OTUD7A: variants seen among roughly 807,000 people sequenced by gnomAD.
The protein encoded by OTUD7A is OTU deubiquitinase 7A.
OTUD7A carries 12 observed loss-of-function variants against 65.7 expected under a neutral mutation model. The ratio of observed to expected loss-of-function variants is 0.18; its 90% confidence interval spans 0.12 to 0.30. The LOEUF is 0.30. Among genes scored for constraint, OTUD7A ranks in the 10% least tolerant of loss-of-function variants. OTUD7A has a pLI of 1.00. For synonymous variants in OTUD7A, 641 were observed against 586.3 expected, an observed-to-expected ratio of 1.09 and a Z score of -1.35; for missense variants, 1,148 against 1,304.8, an observed-to-expected ratio of 0.88 and a Z score of 1.85.
rs569898809 is a variant in OTUD7A, at chr15:31,854,921, G to C, written c.-100+15586C>G. Among the ~76,000 whole-genome samples, 7 of 151,942 alleles carry C rather than the reference G, an allele frequency of 4.6e-5. No individual in the cohort carries two copies. The South Asian group carries it at 1.5e-3, about 32-fold the overall frequency. On this transcript the variant is annotated intron_variant, in intron 1 of 12. Coordinates refer to ENST00000307050, the MANE Select transcript of OTUD7A (RefSeq NM_001382637.1). ...TAAAAATTAAAATAAATGGAATAGG[G>C]ATGAAAACCATATTAGATGCAACTA...
At chr15:31,628,573 C>T (rs557043194) in intron 3 of OTUD7A, among the ~76,000 whole-genome samples, 52 of 152,218 alleles carry the variant, frequency 3.4e-4, no homozygotes, top group African/African-American at 8.2e-4. Context: ...CTTGGCAATG[C>T]GGGCTCTTTT....
At chr15:31,788,373 A>T (rs1448978634) in intron 1 of OTUD7A, among the ~76,000 whole-genome samples, 1 of 152,228 alleles carries the variant, frequency 6.6e-6, no homozygotes, top group Non-Finnish European at 1.5e-5. Flanking sequence ...GGGCTTCATG[A>T]CTGGGCGGGA....
Position 31,484,035 on chromosome 15 carries a change from G to A in OTUD7A, c.2061C>T (p.Ala687=). 8 of 1,261,632 alleles carry A rather than the reference G, an allele frequency of 6.3e-6. No homozygotes were observed. In the South Asian group the frequency reaches 1.0e-4, roughly 16 times the overall value. 78.2% of individuals were successfully genotyped at this position (1,261,632 alleles called of 1,614,324 possible). The change falls in exon 13 of 13, where the codon GCC becomes GCT. Residue 687 remains alanine (A), a synonymous_variant. Coordinates refer to ENST00000307050, the MANE Select transcript of OTUD7A (RefSeq NM_001382637.1). This position sits in a 1 kb window ranked among gnomAD's most constrained non-coding sequence, Gnocchi z 4.5. Reference sequence around the variant, plus strand: ...CGGCGGCGGCGGCGGCGGCAGCGGCGGCCGCAGTAGCGGCGTCGCGGCGCC... The same window carrying A: ...CGGCGGCGGCGGCGGCGGCAGCGGCAGCCGCAGTAGCGGCGTCGCGGCGCC... The part of the protein sequence containing the change: ...EQRRRDAATA[A]AAAAAAAAAT...
At chr15:31,779,285 T>C (rs1895472819) in intron 1 of OTUD7A, among the ~76,000 whole-genome samples, 1 of 152,172 alleles carries the variant, frequency 6.6e-6, no homozygotes, top group Non-Finnish European at 1.5e-5. Flanking sequence ...AAAACAGCTC[T>C]CCTCAGGAAT....
intron 3 of OTUD7A, among the ~76,000 whole-genome samples, chr15:31,629,250 A>T (rs1891064607): frequency 6.6e-6 from 1 of 152,168 alleles, no homozygotes; most frequent in Non-Finnish European, 1.5e-5. Flanking sequence ...AGCTCTTAAT[A>T]TTTTGAGATA....
At chr15:31,639,209 G>A (rs1218396594) in intron 3 of OTUD7A, among the ~76,000 whole-genome samples, 3 of 151,828 alleles carry the variant, frequency 2.0e-5, no homozygotes, top group East Asian at 1.9e-4. Context: ...GCATTCCATC[G>A]CTATAGATCA....
intron 8 of OTUD7A, among the ~76,000 whole-genome samples, chr15:31,514,057 CT>C (rs375888532): frequency 0.015 from 354 of 23,088 alleles, 2 homozygotes; most frequent in African/African-American, 0.073. Flanking sequence ...TTCTTTCTTT[CT>C]TTTTTTTTTT....
intron 5 of OTUD7A, among the ~76,000 whole-genome samples, chr15:31,552,139 C>T (rs540022390): frequency 6.6e-6 from 1 of 152,306 alleles, no homozygotes; most frequent in East Asian, 1.9e-4. Context: ...CTCCCCTTCA[C>T]ATCATATGAT....
At chr15:31,573,006 A>G in intron 3 of OTUD7A, among the ~76,000 whole-genome samples, 1 of 152,168 alleles carries the variant, frequency 6.6e-6, no homozygotes, top group East Asian at 1.9e-4. Flanking sequence ...TTTTTGAAAT[A>G]TTTGATTTTA....
chr15:31,802,862 C>T (rs1422036394), intron 1 of OTUD7A, among the ~76,000 whole-genome samples: 1 of 152,182 alleles, frequency 6.6e-6, no homozygotes, highest in Non-Finnish European at 1.5e-5. Flanking sequence ...ATTCTTCAGG[C>T]CTGAATTGAA....
At chr15:31,837,146 A>G (rs1459889654) in intron 1 of OTUD7A, among the ~76,000 whole-genome samples, 1 of 152,240 alleles carries the variant, frequency 6.6e-6, no homozygotes, top group Non-Finnish European at 1.5e-5. Flanking sequence ...CACAAGATAC[A>G]ACATAAACAT....
chr15:31,501,847 C>T lies in OTUD7A; in HGVS notation c.1022-8G>A, dbSNP rs769581688. The T allele has an allele frequency of 1.9e-6, 3 of 1,604,354 alleles. No individual in the cohort carries two copies. In the Admixed American group the frequency reaches 5.1e-5, roughly 27 times the overall value. On this transcript the variant is annotated splice_polypyrimidine_tract_variant and splice_region_variant and intron_variant, in intron 9 of 12. Transcript: ENST00000307050. ...ATGGGATGGGTGCGAACGCTGTGGACACAAACCAGGGTGAGGGTGTGAGGA... is the reference window on the plus strand; with the variant it reads ...ATGGGATGGGTGCGAACGCTGTGGATACAAACCAGGGTGAGGGTGTGAGGA...
At chr15:31,550,687 G>A (rs1888293018) in intron 5 of OTUD7A, among the ~76,000 whole-genome samples, 2 of 152,180 alleles carry the variant, frequency 1.3e-5, no homozygotes, top group Admixed American at 6.5e-5. Context: ...CCCGGAAGCT[G>A]TGGGATGATA....
chr15:31,720,546 G>A (rs372270816), intron 1 of OTUD7A, among the ~76,000 whole-genome samples: 3,219 of 151,738 alleles, frequency 0.021, 85 homozygotes, highest in African/African-American at 0.06. Context: ...GACTACAGGC[G>A]CCCGCCACCT....
intron 1 of OTUD7A, among the ~76,000 whole-genome samples, chr15:31,692,731 C>T (rs1892984201): frequency 1.3e-5 from 2 of 151,142 alleles, no homozygotes; most frequent in Admixed American, 6.6e-5. Flanking sequence ...TCTCCTGGCT[C>T]CACTCAAGAC....
At chr15:31,684,739 A>C (rs1305576429) in intron 1 of OTUD7A, among the ~76,000 whole-genome samples, 4 of 148,850 alleles carry the variant, frequency 2.7e-5, no homozygotes, top group African/African-American at 7.4e-5. Context: ...CAGAAGTCGC[A>C]GTGTTTGTAT....
At chr15:31,597,487 T>C (rs547269573) in intron 3 of OTUD7A, among the ~76,000 whole-genome samples, 1 of 151,880 alleles carries the variant, frequency 6.6e-6, no homozygotes. Context: ...TTTTTTTTTT[T>C]AACATACCAT....
At chr15:31,769,178 T>C (rs553485119) in intron 1 of OTUD7A, among the ~76,000 whole-genome samples, 1 of 152,176 alleles carries the variant, frequency 6.6e-6, no homozygotes, top group Non-Finnish European at 1.5e-5. Flanking sequence ...AGATATGTCA[T>C]GAAAACATTA....
chr15:31,716,847 G>A (rs1893601182), intron 1 of OTUD7A, among the ~76,000 whole-genome samples: 2 of 152,292 alleles, frequency 1.3e-5, no homozygotes, highest in South Asian at 2.1e-4. Context: ...CTTCACCGTG[G>A]GGATGAGCCA....
Sources: gnomAD v4.1 joint callset for allele counts (sites outside exome capture counted in the v4.1 genomes callset) on GRCh38, gnomAD v4.1.1 for gene constraint, Gnocchi (gnomAD v3.1) non-coding constraint, MANE v1.5 for transcripts, NCBI Gene and HGNC (gene_info 2026-07-23, HGNC 2026-07-21) for gene names.